Variants in HIPK1 observed in about 807,000 individuals in gnomAD.
HIPK1 encodes the protein homeodomain-interacting protein kinase 1.
Under a neutral mutation model 117.1 loss-of-function variants are expected in HIPK1, and 28 were observed. The ratio of observed to expected loss-of-function variants is 0.24; its 90% CI spans 0.18 to 0.33. The LOEUF (loss-of-function observed/expected upper bound fraction) is 0.33. Among genes scored for constraint, HIPK1 ranks in the 10% least tolerant of loss-of-function variants. The probability of loss-of-function intolerance (pLI) is 1.00; values close to 1 mark genes in which losing one functional copy is unlikely to be tolerated. For synonymous variants in HIPK1, 605 were observed against 562.5 expected, an observed-to-expected ratio of 1.08 and a Z score of -1.07; for missense variants, 1,122 against 1,475.1, an observed-to-expected ratio of 0.76 and a Z score of 3.92.
chr1:113,937,597 A>G (rs982080186), intron 1 of HIPK1, among the ~76,000 whole-genome samples: 1 of 152,158 alleles, frequency 6.6e-6, no homozygotes, highest in African/African-American at 2.4e-5. Flanking sequence ...TTGAGTATGT[A>G]TATATTGTCA....
At chr1:113,965,483 A>G (rs887425796) in intron 10 of HIPK1, among the ~76,000 whole-genome samples, 13 of 152,234 alleles carry the variant, frequency 8.5e-5, no homozygotes, top group Admixed American at 7.2e-4. Context: ...GAAACAAAGT[A>G]TGATGCTTTC....
rs757440911 is a variant in HIPK1 at position 113,954,708 on chromosome 1, A to G, written c.1258A>G (p.Thr420Ala). The G allele has an allele frequency of 3.7e-6, 6 of 1,614,074 alleles. No individual in the cohort carries two copies. In the South Asian group the frequency reaches 6.6e-5, roughly 18 times the overall value. Residue 420 changes from threonine to alanine, a missense_variant, in exon 4 of 16, where the codon ACA becomes GCA. Transcript: ENST00000426820. ...LPAEYLLSAG[T>A]KTTRFFNRDP... ...AGCTGAATATCTTCTCAGTGCCGGA[A>G]CAAAAACAACCAGGTTTTTCAACAG... is the stretch of plus-strand genomic sequence containing the variant.
At chr1:113,936,854 G>A (rs1235763387) in intron 1 of HIPK1, among the ~76,000 whole-genome samples, 1 of 152,096 alleles carries the variant, frequency 6.6e-6, no homozygotes, top group Non-Finnish European at 1.5e-5. Context: ...AATACTTCAA[G>A]TTACATAAAA....
chr1:113,966,402 C>A, intron 11 of HIPK1, 130 bp downstream of exon 11: 1 of 745,182 alleles, frequency 1.3e-6, no homozygotes, highest in Non-Finnish European at 2.1e-6. Flanking sequence ...CTTTAAGAAC[C>A]CATATCAGGC....
At chr1:113,947,193 G>A (rs1456097277) in intron 2 of HIPK1, among the ~76,000 whole-genome samples, 1 of 152,186 alleles carries the variant, frequency 6.6e-6, no homozygotes, top group Non-Finnish European at 1.5e-5. Flanking sequence ...GATTCAGGCA[G>A]TGGAAATAAT....
At chr1:113,936,918 T>C (rs960173548) in intron 1 of HIPK1, among the ~76,000 whole-genome samples, 1 of 152,224 alleles carries the variant, frequency 6.6e-6, no homozygotes, top group Non-Finnish European at 1.5e-5. Context: ...AATATTAACA[T>C]TGTTAATGGA....
chr1:113,954,499 A>C, intron 3 of HIPK1, 152 bp from the exon 4 acceptor site: 1 of 708,800 alleles, frequency 1.4e-6, no homozygotes, highest in South Asian at 2.0e-5. Context: ...TGGATGGATT[A>C]GTATATATAG....
chr1:113,973,233 T>C lies in HIPK1; in HGVS notation c.3354T>C (p.Thr1118=). Reference sequence around the variant, plus strand: ...ATCTGTATACGTATGCTGCCCCGACTTCTGCTGCTGCACTGGGCTCAACCA... The same window carrying C: ...ATCTGTATACGTATGCTGCCCCGACCTCTGCTGCTGCACTGGGCTCAACCA... ...QAHLYTYAAP[T]SAAALGSTSS... The change falls in exon 16 of 16, where the codon ACT becomes ACC. Residue 1118 remains threonine, a synonymous_variant. Transcript: ENST00000426820. 6.2e-7 allele frequency: 1 copy of C among 1,614,068 alleles called. No homozygotes were observed. The highest frequency in any genetic ancestry group is 1.1e-5 in the South Asian group (1 of 91,072).
At chr1:113,949,596 TTTTC>T (rs1243973454) in intron 2 of HIPK1, among the ~76,000 whole-genome samples, 2 of 107,356 alleles carry the variant, frequency 1.9e-5, no homozygotes, top group Non-Finnish European at 3.8e-5. Flanking sequence ...ACTTCTTTTC[TTTTC>T]TTTTTTTTTT....
In HIPK1 at chr1:113,958,571, G is replaced by A. The variant is rs936789202; in HGVS notation, c.1981+280G>A. Among the ~76,000 whole-genome samples the A allele has an allele frequency of 3.6e-4, 55 of 152,198 alleles. 1 individual carries two copies. Among genetic ancestry groups the A allele is most frequent in the African/African-American group, 1.3e-3 (52 of 41,522 alleles). Reference sequence around the variant, plus strand: ...CCCATTGAGTCCTTGTGTCAATGTCGTACGTCTTGTATAAGCATGTATCTG... The same window carrying A: ...CCCATTGAGTCCTTGTGTCAATGTCATACGTCTTGTATAAGCATGTATCTG... On this transcript the variant is annotated intron_variant, in intron 8 of 15. Coordinates refer to ENST00000426820, the MANE Select transcript of HIPK1 (RefSeq NM_198268.3).
rs530564242 is a variant in HIPK1, at chr1:113,932,906, T to C, written c.-3+3374T>C. Among the ~76,000 whole-genome samples, 3 of 152,358 alleles carry C rather than the reference T, an allele frequency of 2.0e-5. No individual in the cohort carries two copies. In the South Asian group the frequency reaches 6.2e-4, roughly 32 times the overall value. On this transcript the variant is annotated intron_variant, in intron 1 of 15. Transcript: ENST00000426820. ...CTCCATCTTCCATTCTCCAAACTGC[T>C]GTTGCCTTACTTAAGTCCCGTTTTC...
chr1:113,934,317 C>T (rs560779811), intron 1 of HIPK1, among the ~76,000 whole-genome samples: 1 of 152,142 alleles, frequency 6.6e-6, no homozygotes, highest in Non-Finnish European at 1.5e-5. Context: ...CTGTTCCATT[C>T]AGGGTTATAA....
At chr1:113,935,154 T>A (rs1670171730) in intron 1 of HIPK1, among the ~76,000 whole-genome samples, 2 of 152,076 alleles carry the variant, frequency 1.3e-5, no homozygotes, top group South Asian at 4.1e-4. Flanking sequence ...CTGACATTTA[T>A]TTTTTCTGAT....
chr1:113,948,399 G>A (rs534705563), intron 2 of HIPK1, among the ~76,000 whole-genome samples: 1 of 152,144 alleles, frequency 6.6e-6, no homozygotes, highest in Admixed American at 6.6e-5. Context: ...CTGCAGGCAT[G>A]CACCACCATA....
chr1:113,961,991 A>G (rs1204331571), intron 8 of HIPK1, among the ~76,000 whole-genome samples: 1 of 151,450 alleles, frequency 6.6e-6, no homozygotes, highest in Non-Finnish European at 1.5e-5. Flanking sequence ...TTAATTTACT[A>G]AGTGAAGATT....
intron 1 of HIPK1, among the ~76,000 whole-genome samples, chr1:113,938,198 G>A (rs182247300): frequency 6.4e-4 from 97 of 150,546 alleles, no homozygotes; most frequent in Non-Finnish European, 1.1e-3. Context: ...TTGAACTCGT[G>A]GACTCAAGTG....
At chr1:113,972,241 A>C (rs1415241718) in intron 15 of HIPK1, among the ~76,000 whole-genome samples, 1 of 152,186 alleles carries the variant, frequency 6.6e-6, no homozygotes, top group Admixed American at 6.5e-5. Flanking sequence ...TGCTTTAACC[A>C]TGTCTGTGAT....
In HIPK1 at chr1:113,935,932, TTTG is replaced by T. The variant is rs935752792; in HGVS notation, c.-2-4435_-2-4433del. Among the ~76,000 whole-genome samples the T allele has an allele frequency of 1.4e-4, 22 of 152,286 alleles. No homozygotes were observed. In the South Asian group the frequency reaches 2.5e-3, roughly 17 times the overall value. ...GTTTTCCACAGATGTTAATTCTGTT[TTTG>T]TTGTTGTTGTTGTTTGAAAGCTCTC... On this transcript the variant is annotated intron_variant, in intron 1 of 15. Transcript: ENST00000426820.
Position 113,958,075 on chromosome 1 carries a change from C to T in HIPK1, c.1765C>T (p.Leu589=), listed in dbSNP as rs1322846798. The T allele has an allele frequency of 1.2e-6, 2 of 1,613,310 alleles. No individual in the cohort carries two copies. The highest frequency in any genetic ancestry group is 1.7e-6 in the Non-Finnish European group (2 of 1,179,258). ...LNTVHNQASV[L]ASSSTAAAAT... is the part of the protein sequence containing the mutation. The stretch of plus-strand genomic sequence containing the variant: ...ATCCTTTTGTTTTTAGGCCAGTGTT[C>T]TAGCTTCCAGTTCTACTGCAGCAGC... The change falls in exon 8 of 16, where the codon CTA becomes TTA. Residue 589 remains leucine, a synonymous_variant. Coordinates refer to ENST00000426820, the MANE Select transcript of HIPK1 (RefSeq NM_198268.3).
Sources: allele counts gnomAD v4.1 joint callset (sites outside exome capture counted in the v4.1 genomes callset), GRCh38; gene constraint gnomAD v4.1.1; transcripts MANE v1.5; gene names NCBI Gene and HGNC (gene_info 2026-07-23, HGNC 2026-07-21).